Variants in NEDD4L observed in about 807,000 individuals in gnomAD.
The protein encoded by NEDD4L is NEDD4 like E3 ubiquitin protein ligase.
Under a neutral mutation model 148.9 loss-of-function variants are expected in NEDD4L, and 54 were observed. That is an observed-to-expected ratio of 0.36 (90% CI 0.29 to 0.45). NEDD4L has a LOEUF of 0.45. Ranked by LOEUF, NEDD4L falls within the 20% of genes least tolerant of loss-of-function variation. NEDD4L has a pLI of 1.00. For synonymous variants in NEDD4L, 433 were observed against 440.7 expected (o/e 0.98, Z 0.22); for missense variants, 856 against 1,233.8 (o/e 0.69, Z 4.59).
At chr18:58,250,315 A>G (rs183182479) in intron 4 of NEDD4L, among the ~76,000 whole-genome samples, 2 of 151,956 alleles carry the variant, frequency 1.3e-5, no homozygotes, top group Admixed American at 1.3e-4. Flanking sequence ...ACGCCTGGCT[A>G]ATTTTTGTAT....
At chr18:58,214,801 T>TTCA in intron 2 of NEDD4L, among the ~76,000 whole-genome samples, 1 of 17,506 alleles carries the variant, frequency 5.7e-5, no homozygotes, top group South Asian at 2.4e-3. Flanking sequence ...CTTTCTTTCA[T>TTCA]TTTTTTTTTT....
At chr18:58,114,459 A>AT (rs1472875839) in intron 1 of NEDD4L, among the ~76,000 whole-genome samples, 2 of 152,130 alleles carry the variant, frequency 1.3e-5, no homozygotes, top group Non-Finnish European at 2.9e-5. Flanking sequence ...CAGTCAAGAG[A>AT]TTTTTTAAAA....
At chr18:58,053,449 C>T (rs952810833) in intron 1 of NEDD4L, among the ~76,000 whole-genome samples, 1 of 152,146 alleles carries the variant, frequency 6.6e-6, no homozygotes, top group African/African-American at 2.4e-5. Context: ...GCTGGGACTA[C>T]AGGTGCCCAC....
intron 5 of NEDD4L, among the ~76,000 whole-genome samples, chr18:58,268,624 T>C (rs2050577149): frequency 6.6e-6 from 1 of 152,070 alleles, no homozygotes; most frequent in African/African-American, 2.4e-5. Flanking sequence ...AGAATAGAGA[T>C]GGGTAGCGGA....
chr18:58,110,835 T>C (rs534519935), intron 1 of NEDD4L, among the ~76,000 whole-genome samples: 1 of 152,308 alleles, frequency 6.6e-6, no homozygotes, highest in South Asian at 2.1e-4. Context: ...TGTATGCCTT[T>C]GTGCGCAGGC....
chr18:58,126,598 G>C (rs1157246304), intron 1 of NEDD4L, among the ~76,000 whole-genome samples: 1 of 152,266 alleles, frequency 6.6e-6, no homozygotes, highest in South Asian at 2.1e-4. Flanking sequence ...ATGAACACTT[G>C]TGTGCAGGTT....
intron 1 of NEDD4L, among the ~76,000 whole-genome samples, chr18:58,151,327 G>C (rs1035118809): frequency 6.6e-6 from 1 of 152,126 alleles, no homozygotes; most frequent in Non-Finnish European, 1.5e-5. Flanking sequence ...ACCTTTCTTT[G>C]TTCTGTTTCT....
At chr18:58,233,785 A>C (rs569196534) in intron 2 of NEDD4L, among the ~76,000 whole-genome samples, 1 of 152,266 alleles carries the variant, frequency 6.6e-6, no homozygotes, top group Non-Finnish European at 1.5e-5. Flanking sequence ...GTTGGAGTCC[A>C]GAAGTCTGAA....
chr18:58,386,338 G>A (rs186619043), intron 26 of NEDD4L, among the ~76,000 whole-genome samples: 14 of 152,212 alleles, frequency 9.2e-5, no homozygotes, highest in South Asian at 4.2e-4. Flanking sequence ...GGCATGAGCC[G>A]CCGCGCCCAG....
At chr18:58,070,889 A>G (rs768158003) in intron 1 of NEDD4L, among the ~76,000 whole-genome samples, 18 of 152,360 alleles carry the variant, frequency 1.2e-4, no homozygotes, top group Admixed American at 5.2e-4. Context: ...GAAAATCACT[A>G]ATCAGATAGC....
At chr18:58,310,794 G>A (rs1380068486) in intron 5 of NEDD4L, among the ~76,000 whole-genome samples, 3 of 152,204 alleles carry the variant, frequency 2.0e-5, no homozygotes, top group Admixed American at 1.3e-4. Context: ...CACTGGGGCC[G>A]GCCAGTGGCA....
chr18:58,231,166 C>T (rs1015768250), intron 2 of NEDD4L, among the ~76,000 whole-genome samples: 3 of 146,242 alleles, frequency 2.1e-5, no homozygotes, highest in Non-Finnish European at 3.0e-5. Context: ...GGGAGAATTG[C>T]TTGAGCCCAG....
chr18:58,113,906 C>T (rs1225616072), intron 1 of NEDD4L, among the ~76,000 whole-genome samples: 1 of 152,108 alleles, frequency 6.6e-6, no homozygotes, highest in Non-Finnish European at 1.5e-5. Context: ...CTGCCCAAGA[C>T]CGAGATGGCT....
chr18:58,267,557 T>C (rs1315337548), intron 5 of NEDD4L, among the ~76,000 whole-genome samples: 1 of 152,008 alleles, frequency 6.6e-6, no homozygotes, highest in Non-Finnish European at 1.5e-5. Flanking sequence ...CCACACCCTT[T>C]GATTTCTCCG....
In NEDD4L at chr18:58,396,403, C is replaced by A; in HGVS notation, c.*134C>A. Reference sequence around the variant, plus strand: ...GGTCCCTGGAGCCGAGCCTTCACCACGCACTCGTCCAAGTTCGGATGCGGG... The same window carrying A: ...GGTCCCTGGAGCCGAGCCTTCACCAAGCACTCGTCCAAGTTCGGATGCGGG... On this transcript the variant is annotated 3_prime_UTR_variant, in exon 31 of 31. Coordinates refer to ENST00000400345, the MANE Select transcript of NEDD4L (RefSeq NM_001144967.3). 1.7e-6 allele frequency: 1 copy of A among 603,794 alleles called. No individual in the cohort carries two copies. The highest frequency in any genetic ancestry group is 3.0e-6 in the Non-Finnish European group (1 of 335,264). 37.4% of individuals were successfully genotyped at this position (603,794 alleles called of 1,614,324 possible). A position where few individuals can be genotyped will look rare whatever the true frequency, so the allele number is the denominator to read the frequency against.
chr18:58,199,803 C>T (rs879419136), intron 2 of NEDD4L, among the ~76,000 whole-genome samples: 1 of 152,096 alleles, frequency 6.6e-6, no homozygotes, highest in Admixed American at 6.6e-5. Flanking sequence ...AAGAAAATTG[C>T]ATCTTGCAAC....
At chr18:58,185,466 A>G (rs1397561822) in intron 2 of NEDD4L, among the ~76,000 whole-genome samples, 5 of 152,238 alleles carry the variant, frequency 3.3e-5, no homozygotes, top group Admixed American at 1.3e-4. Context: ...TATAAAGTGT[A>G]AAAACAGACA....
At position 58,222,749 on chromosome 18, in the gene NEDD4L, T is replaced by C. The variant is rs1599869931; in HGVS notation, c.123-22678T>C. 2.6e-5 allele frequency among the ~76,000 whole-genome samples: 4 copies of C among 152,348 alleles called. No individual in the cohort carries two copies. In the South Asian group the frequency reaches 8.3e-4, roughly 32 times the overall value. On this transcript the variant is annotated intron_variant, in intron 2 of 30. Coordinates refer to ENST00000400345, the MANE Select transcript of NEDD4L (RefSeq NM_001144967.3). ...GCCGGAATTCTAAAGACAATAAAAA[T>C]GTATCAACAATATGAAATATCAAAG...
At chr18:58,394,164 C>T (rs1395754224) in intron 30 of NEDD4L, among the ~76,000 whole-genome samples, 2 of 152,232 alleles carry the variant, frequency 1.3e-5, no homozygotes, top group Non-Finnish European at 2.9e-5. Context: ...GGAACTCACA[C>T]TCACCAAGCA....
Sources: gnomAD v4.1 joint callset for allele counts (sites outside exome capture counted in the v4.1 genomes callset) on GRCh38, gnomAD v4.1.1 for gene constraint, MANE v1.5 for transcripts, NCBI Gene and HGNC (gene_info 2026-07-23, HGNC 2026-07-21) for gene names.